Variants in ATP2B2 observed in about 807,000 individuals in gnomAD.
ATP2B2 encodes plasma membrane calcium-transporting ATPase 2.
A neutral mutation model predicts 120.0 loss-of-function variants in ATP2B2; 15 were observed. The ratio of observed to expected loss-of-function variants is 0.12; its 90% CI spans 0.08 to 0.19. The LOEUF (loss-of-function observed/expected upper bound fraction) is 0.19. ATP2B2 is among the 10% of genes least tolerant of loss of function. The pLI is 1.00. For synonymous variants in ATP2B2, 694 were observed against 700.3 expected, an observed-to-expected ratio of 0.99 and a Z score of 0.14; for missense variants, 1,045 against 1,719.8, an observed-to-expected ratio of 0.61 and a Z score of 6.94.
At chr3:10,421,619 C>G (rs1245512443) in intron 2 of ATP2B2, among the ~76,000 whole-genome samples, 2 of 152,192 alleles carry the variant, frequency 1.3e-5, no homozygotes, top group Non-Finnish European at 2.9e-5. Context: ...GTCACAGCAT[C>G]CCTGCCCTGA....
At chr3:10,606,778 C>T (rs75447882) in intron 2 of ATP2B2, among the ~76,000 whole-genome samples, 4,150 of 152,028 alleles carry the variant, frequency 0.027, 153 homozygotes, top group African/African-American at 0.09. Flanking sequence ...TTTCCCCATA[C>T]TCCTATCCAT....
At chr3:10,636,132 A>G (rs1440455485) in intron 1 of ATP2B2, among the ~76,000 whole-genome samples, 1 of 152,160 alleles carries the variant, frequency 6.6e-6, no homozygotes, top group Non-Finnish European at 1.5e-5. Context: ...TGCTATTCCA[A>G]TGTAAAGGCC....
intron 2 of ATP2B2, among the ~76,000 whole-genome samples, chr3:10,438,450 C>T (rs1187405564): frequency 6.6e-6 from 1 of 152,230 alleles, no homozygotes. Context: ...CAGATACTCT[C>T]ATCACACTGT....
At chr3:10,492,991 G>C (rs533163767) in intron 1 of ATP2B2, among the ~76,000 whole-genome samples, 13 of 152,188 alleles carry the variant, frequency 8.5e-5, no homozygotes, top group Middle Eastern at 3.4e-3. Context: ...TGCCTCCCCT[G>C]TACCACCTCT....
chr3:10,394,223 C>T lies in ATP2B2; in HGVS notation c.782-5821G>A, dbSNP rs544722245. 6.6e-5 allele frequency among the ~76,000 whole-genome samples: 10 copies of T among 152,248 alleles called. No individual in the cohort carries two copies. In the East Asian group the frequency reaches 1.9e-3, roughly 29 times the overall value. ...GGAGGCTATTTCTGGGGGCTATTATCTGCCTCCAGGCACAAGCACTAAACA... is the reference window on the plus strand; with the variant it reads ...GGAGGCTATTTCTGGGGGCTATTATTTGCCTCCAGGCACAAGCACTAAACA... On this transcript the variant is annotated intron_variant, in intron 5 of 22. Coordinates refer to ENST00000360273, the MANE Select transcript of ATP2B2 (RefSeq NM_001001331.4).
intron 2 of ATP2B2, among the ~76,000 whole-genome samples, chr3:10,615,481 C>T (rs1041709005): frequency 1.3e-5 from 2 of 152,192 alleles, no homozygotes; most frequent in Non-Finnish European, 2.9e-5. Context: ...TTGAGGGTAT[C>T]TTTGCCACAC....
chr3:10,593,054 G>A (rs1037397880), intron 2 of ATP2B2, among the ~76,000 whole-genome samples: 1 of 152,202 alleles, frequency 6.6e-6, no homozygotes, highest in Non-Finnish European at 1.5e-5. Context: ...CCAAAGTGCT[G>A]GGAATACAGG....
chr3:10,690,439 T>C (rs1028649549), intron 1 of ATP2B2, among the ~76,000 whole-genome samples: 1 of 147,144 alleles, frequency 6.8e-6, no homozygotes. Flanking sequence ...TCTATATCTA[T>C]CTATCTATCT....
At chr3:10,542,943 T>A (rs2067470757) in intron 2 of ATP2B2, among the ~76,000 whole-genome samples, 2 of 152,222 alleles carry the variant, frequency 1.3e-5, no homozygotes, top group Admixed American at 1.3e-4. Context: ...ATCCTCTTTT[T>A]CTCACCTCCT....
intron 1 of ATP2B2, among the ~76,000 whole-genome samples, chr3:10,691,832 T>C (rs897907885): frequency 2.0e-5 from 3 of 152,170 alleles, no homozygotes; most frequent in Non-Finnish European, 4.4e-5. Context: ...ATTTCCATAG[T>C]TGCAGAAAGG....
intron 1 of ATP2B2, among the ~76,000 whole-genome samples, chr3:10,503,810 G>T (rs1415236337): frequency 6.6e-6 from 1 of 152,232 alleles, no homozygotes; most frequent in Non-Finnish European, 1.5e-5. Context: ...CACATTTCTG[G>T]CTGTTGCAGG....
intron 14 of ATP2B2, among the ~76,000 whole-genome samples, chr3:10,357,788 C>T (rs2060782252): frequency 6.6e-6 from 1 of 152,170 alleles, no homozygotes; most frequent in Admixed American, 6.5e-5. Context: ...CCCCTGGGGC[C>T]TCACAGTGTG....
chr3:10,431,269 G>C (rs2063305825), intron 2 of ATP2B2, among the ~76,000 whole-genome samples: 1 of 152,216 alleles, frequency 6.6e-6, no homozygotes, highest in Admixed American at 6.5e-5. Context: ...GTGGTCTACT[G>C]TGGGTAAAAT....
At chr3:10,663,061 G>A (rs2070830512) in intron 1 of ATP2B2, among the ~76,000 whole-genome samples, 1 of 129,346 alleles carries the variant, frequency 7.7e-6, no homozygotes, top group East Asian at 2.3e-4. Flanking sequence ...TTGGACACAG[G>A]AAGGGGAACA....
intron 2 of ATP2B2, among the ~76,000 whole-genome samples, chr3:10,537,562 T>C (rs1193055426): frequency 1.3e-5 from 2 of 151,978 alleles, no homozygotes; most frequent in Non-Finnish European, 2.9e-5. Context: ...TGAACTCACT[T>C]ATTACTTCTA....
intron 2 of ATP2B2, among the ~76,000 whole-genome samples, chr3:10,588,773 C>T (rs1484358132): frequency 6.6e-6 from 1 of 152,124 alleles, no homozygotes; most frequent in Non-Finnish European, 1.5e-5. Context: ...GCTTTTTATG[C>T]CCATTTTTAC....
chr3:10,449,475 C>A lies in ATP2B2; in HGVS notation c.69G>T (p.Glu23Asp), dbSNP rs759325739. 11 of 1,614,270 alleles carry A rather than the reference C, an allele frequency of 6.8e-6. No individual in the cohort carries two copies. In the South Asian group the frequency reaches 1.2e-4, roughly 18 times the overall value. The stretch of plus-strand genomic sequence containing the variant: ...GGAGCTCCTCCATTGTGCACCCGAA[C>A]TCGCCCCCATGGCTCGACTCATTTC... ...NQRNESSHGG[E>D]FGCTMEELRS... The change falls in exon 2 of 23, where the codon GAG becomes GAT. Residue 23 changes from glutamate to aspartate, a missense_variant. Glu to Asp is a conservative substitution (Grantham distance 45). Around this residue, in one of 11 missense-constraint regions of ATP2B2, gnomAD observed 139 missense variants for 134.2 expected, o/e 1.04. Coordinates refer to ENST00000360273, the MANE Select transcript of ATP2B2 (RefSeq NM_001001331.4).
At chr3:10,482,231 C>A (rs893717429) in intron 1 of ATP2B2, among the ~76,000 whole-genome samples, 1 of 152,170 alleles carries the variant, frequency 6.6e-6, no homozygotes, top group South Asian at 2.1e-4. Flanking sequence ...TGGGGGTGGG[C>A]TTTACTGTTG....
intron 2 of ATP2B2, among the ~76,000 whole-genome samples, chr3:10,537,734 G>T (rs1276615153): frequency 6.6e-6 from 1 of 152,202 alleles, no homozygotes; most frequent in African/African-American, 2.4e-5. Context: ...ATGAGAGCTG[G>T]CATCCTTGTC....
Sources: gnomAD v4.1 joint callset for allele counts (sites outside exome capture counted in the v4.1 genomes callset) on GRCh38, gnomAD v4.1.1 for gene constraint, gnomAD v4.1.1 regional missense constraint, MANE v1.5 for transcripts, NCBI Gene and HGNC (gene_info 2026-07-23, HGNC 2026-07-21) for gene names.